Variants in ZBED4 observed in about 807,000 individuals in gnomAD.
ZBED4 encodes the protein zinc finger BED-type containing 4.
Under a neutral mutation model 15.5 loss-of-function variants are expected in ZBED4, and 4 were observed. The ratio of observed to expected loss-of-function variants is 0.26; its 90% CI spans 0.13 to 0.59. The LOEUF (loss-of-function observed/expected upper bound fraction) is 0.59. ZBED4 is among the 20% of genes least tolerant of loss of function. The pLI is 0.90. For missense variants in ZBED4, 1,323 were observed against 1,461.8 expected (o/e 0.91, Z 1.55); for synonymous variants, 692 against 608.5 (o/e 1.14, Z -2.02).
chr22:49,857,137 T>A (rs1569155825), intron 1 of ZBED4, among the ~76,000 whole-genome samples: 1 of 152,208 alleles, frequency 6.6e-6, no homozygotes, highest in Non-Finnish European at 1.5e-5. Context: ...TGGTGGTCTC[T>A]GCTCCACCTG....
Position 49,885,501 on chromosome 22 carries a change from A to T in ZBED4, c.1839A>T (p.Lys613Asn), listed in dbSNP as rs1218595745. 1 of 1,610,944 alleles carries T rather than the reference A, an allele frequency of 6.2e-7. No individual in the cohort carries two copies. Among genetic ancestry groups the T allele is most frequent in the Non-Finnish European group, 8.5e-7 (1 of 1,177,316 alleles). The change falls in exon 2 of 2, where the codon AAA becomes AAT. Residue 613 changes from lysine (K) to asparagine (N), a missense_variant. This residue lies in a region of ZBED4 where 429 missense variants were observed against 397.9 expected (regional missense o/e 1.08). Coordinates refer to ENST00000216268, the MANE Select transcript of ZBED4 (RefSeq NM_014838.3). ...HLQRFHSNVL[K>N]TEVSETARPS... The stretch of plus-strand genomic sequence containing the variant: ...AGCGGTTCCATAGCAACGTGCTGAA[A>T]ACTGAGGTCTCGGAGACGGCTCGGC...
chr22:49,866,901 A>G (rs2060324665), intron 1 of ZBED4, among the ~76,000 whole-genome samples: 1 of 152,152 alleles, frequency 6.6e-6, no homozygotes, highest in Non-Finnish European at 1.5e-5. Context: ...CGGCAAATGC[A>G]CGTTCTTACC....
chr22:49,885,171 G>T lies in ZBED4; in HGVS notation c.1509G>T (p.Arg503=), dbSNP rs774711027. Residue 503 remains arginine, a synonymous_variant, in exon 2 of 2, where the codon CGG becomes CGT. Coordinates refer to ENST00000216268, the MANE Select transcript of ZBED4 (RefSeq NM_014838.3). ...GTSCLMRHLY[R]RHPEVVGSQK... is the part of the protein sequence containing the mutation. ...GCTGCCTGATGAGACATCTCTACCG[G>T]CGCCATCCAGAAGTTGTCGGGAGCC... 6.2e-6 allele frequency: 10 copies of T among 1,614,122 alleles called. No homozygotes were observed. The highest frequency in any genetic ancestry group is 7.6e-6 in the Non-Finnish European group (9 of 1,180,022).
Position 49,884,157 on chromosome 22 carries a change from C to T in ZBED4, c.495C>T (p.His165=), listed in dbSNP as rs758171600. 1.9e-6 allele frequency: 3 copies of T among 1,613,148 alleles called. No homozygotes were observed. In the African/African-American group the frequency reaches 4.0e-5, roughly 22 times the overall value. ...TCATGAGGCACGTGAGGCGCGCACA[C>T]CCGACCGTGCTCATTCAGGAAAATG... is the stretch of plus-strand genomic sequence containing the variant. ...SCLMRHVRRA[H]PTVLIQENGS... The change falls in exon 2 of 2, where the codon CAC becomes CAT. Residue 165 remains histidine, a synonymous_variant. Coordinates refer to ENST00000216268, the MANE Select transcript of ZBED4 (RefSeq NM_014838.3).
intron 1 of ZBED4, among the ~76,000 whole-genome samples, chr22:49,868,338 A>G (rs1288803971): frequency 6.6e-6 from 1 of 152,216 alleles, no homozygotes; most frequent in African/African-American, 2.4e-5. Flanking sequence ...TGAGGAAGGA[A>G]GCTGGCTGAG....
At position 49,874,346 on chromosome 22, in the gene ZBED4, G is replaced by A. The variant is rs374991681; in HGVS notation, c.-329-8988G>A. Among the ~76,000 whole-genome samples the A allele has an allele frequency of 1.3e-3, 197 of 152,064 alleles. 2 individuals carry two copies. In the Middle Eastern group the frequency reaches 0.017, roughly 13 times the overall value. Reference sequence around the variant, plus strand: ...CAAATGTTTTTCTACATCGAATGACGTGCCCATATGGTTTTCCTCCTTTTG... The same window carrying A: ...CAAATGTTTTTCTACATCGAATGACATGCCCATATGGTTTTCCTCCTTTTG... On this transcript the variant is annotated intron_variant, in intron 1 of 1. Coordinates refer to ENST00000216268, the MANE Select transcript of ZBED4 (RefSeq NM_014838.3).
intron 1 of ZBED4, among the ~76,000 whole-genome samples, chr22:49,870,095 T>C (rs193235251): frequency 6.6e-6 from 1 of 152,340 alleles, no homozygotes; most frequent in African/African-American, 2.4e-5. Flanking sequence ...TCTGTTCCTG[T>C]GTTTGTTCAC....
At chr22:49,860,855 T>C (rs1314810074) in intron 1 of ZBED4, among the ~76,000 whole-genome samples, 4 of 151,152 alleles carry the variant, frequency 2.6e-5, no homozygotes, top group African/African-American at 9.7e-5. Flanking sequence ...CTTGGCTCAC[T>C]GCATCCTCGG....
chr22:49,856,466 C>T (rs998115886), intron 1 of ZBED4, among the ~76,000 whole-genome samples: 5 of 152,202 alleles, frequency 3.3e-5, no homozygotes, highest in Non-Finnish European at 5.9e-5. Flanking sequence ...GGGGCGATGG[C>T]GGAAGCCCCA....
chr22:49,880,377 G>C (rs74912518), intron 1 of ZBED4, among the ~76,000 whole-genome samples: 1 of 152,200 alleles, frequency 6.6e-6, no homozygotes, highest in South Asian at 2.1e-4. Flanking sequence ...ACCTCCGCAG[G>C]TCTGCGTAGC....
chr22:49,859,541 A>C (rs1286740946), intron 1 of ZBED4, among the ~76,000 whole-genome samples: 1 of 151,992 alleles, frequency 6.6e-6, no homozygotes, highest in African/African-American at 2.4e-5. Flanking sequence ...CTGCTTCTCC[A>C]CAGCGCCTGG....
rs1309129415 is a variant in ZBED4, at chr22:49,884,885, T to C, written c.1223T>C (p.Met408Thr). The C allele has an allele frequency of 1.9e-6, 3 of 1,604,696 alleles. No individual in the cohort carries two copies. Among genetic ancestry groups the C allele is most frequent in the South Asian group, 1.1e-5 (1 of 90,416 alleles). ...QSHLNPGDGLMEDVAAFSSSD... is the reference protein window; with the variant it reads ...QSHLNPGDGLTEDVAAFSSSD... ...CACTTGAACCCTGGAGATGGGCTGA[T>C]GGAAGACGTGGCGGCCTTCTCATCT... Residue 408 changes from methionine to threonine, a missense_variant, in exon 2 of 2, where the codon ATG becomes ACG. Around this residue, in one of 6 missense-constraint regions of ZBED4, gnomAD observed 429 missense variants for 397.9 expected, o/e 1.08. Coordinates refer to ENST00000216268, the MANE Select transcript of ZBED4 (RefSeq NM_014838.3).
At chr22:49,880,557 C>T (rs971421723) in intron 1 of ZBED4, among the ~76,000 whole-genome samples, 2 of 152,256 alleles carry the variant, frequency 1.3e-5, no homozygotes, top group Admixed American at 6.5e-5. Flanking sequence ...TTTCTCTTCT[C>T]TCTCAGCGTC....
At chr22:49,853,350 C>T (rs900492791), upstream of ZBED4, 1 of 152,384 alleles carries the variant, frequency 6.6e-6, no homozygotes, top group African/African-American at 2.4e-5. Context: ...CCCCGATCGC[C>T]TTAGGGTCAA....
chr22:49,857,887 G>T (rs761841032), intron 1 of ZBED4, among the ~76,000 whole-genome samples: 10 of 152,238 alleles, frequency 6.6e-5, no homozygotes, highest in Non-Finnish European at 1.2e-4. Flanking sequence ...CTCCTGAGTA[G>T]CTGGGATTAC....
At chr22:49,854,295 G>A (rs934415010) in intron 1 of ZBED4, among the ~76,000 whole-genome samples, 1 of 150,934 alleles carries the variant, frequency 6.6e-6, no homozygotes, top group African/African-American at 2.4e-5. Flanking sequence ...GGACGGGACG[G>A]GGCTCGGGCT....
At chr22:49,876,618 T>A (rs973528038) in intron 1 of ZBED4, among the ~76,000 whole-genome samples, 3 of 152,230 alleles carry the variant, frequency 2.0e-5, no homozygotes, top group Non-Finnish European at 4.4e-5. Context: ...TATACCTTTT[T>A]TCATCCATTT....
chr22:49,864,446 A>G (rs1420294962), intron 1 of ZBED4, among the ~76,000 whole-genome samples: 2 of 152,212 alleles, frequency 1.3e-5, no homozygotes, highest in Non-Finnish European at 2.9e-5. Context: ...GTGTGTAGCC[A>G]TTACGTACTA....
At position 49,884,647 on chromosome 22, in the gene ZBED4, A is replaced by C; in HGVS notation, c.985A>C (p.Arg329=). ...GGACCTGGGCACGAGCTGCCTCATC[A>C]GGCACATGTGGAGGGCACACCGCGC... ...GKDLGTSCLI[R]HMWRAHRAIV... is the part of the protein sequence containing the mutation. The change falls in exon 2 of 2, where the codon AGG becomes CGG. Residue 329 remains arginine, a synonymous_variant. Coordinates refer to ENST00000216268, the MANE Select transcript of ZBED4 (RefSeq NM_014838.3). The C allele has an allele frequency of 6.2e-7, 1 of 1,612,602 alleles. No individual in the cohort carries two copies. Among genetic ancestry groups the C allele is most frequent in the Non-Finnish European group, 8.5e-7 (1 of 1,179,220 alleles).
Sources: gnomAD v4.1 joint callset for allele counts (sites outside exome capture counted in the v4.1 genomes callset) on GRCh38, gnomAD v4.1.1 for gene constraint, gnomAD v4.1.1 regional missense constraint, MANE v1.5 for transcripts, NCBI Gene and HGNC (gene_info 2026-07-23, HGNC 2026-07-21) for gene names.